The following WSCD1 variants were observed in gnomAD, a reference collection of about 807,000 sequenced individuals.
The protein encoded by WSCD1 is sialate:O-sulfotransferase 1.
WSCD1 carries 41 observed loss-of-function variants against 60.4 expected under a neutral mutation model. The observed-to-expected ratio is 0.68, with a 90% CI of 0.53 to 0.88. The LOEUF (loss-of-function observed/expected upper bound fraction) is 0.88, where lower values mean the gene tolerates loss of function less well. WSCD1 is among the 40% of genes least tolerant of loss of function. The pLI is 0.00. For missense variants in WSCD1, 784 were observed against 796.2 expected (o/e 0.98, Z 0.18); for synonymous variants, 361 against 332.5 (o/e 1.09, Z -0.93).
At chr17:6,107,052 G>C (rs1173124053) in intron 5 of WSCD1, among the ~76,000 whole-genome samples, 1 of 152,158 alleles carries the variant, frequency 6.6e-6, no homozygotes, top group Non-Finnish European at 1.5e-5. Flanking sequence ...TGAGATCAAG[G>C]TCTCAGCAGG....
chr17:6,077,256 T>G (rs1908926124), intron 1 of WSCD1, among the ~76,000 whole-genome samples: 1 of 152,014 alleles, frequency 6.6e-6, no homozygotes, highest in African/African-American at 2.4e-5. Flanking sequence ...ATCCAGCTAA[T>G]TTTTGTATTT....
intron 5 of WSCD1, among the ~76,000 whole-genome samples, chr17:6,102,098 C>A (rs937358809): frequency 1.3e-5 from 2 of 152,184 alleles, no homozygotes; most frequent in East Asian, 1.9e-4. Context: ...CTCTTTTGGG[C>A]GTCTAAATTC....
chr17:6,083,778 CA>C, intron 2 of WSCD1, among the ~76,000 whole-genome samples: 1 of 151,900 alleles, frequency 6.6e-6, no homozygotes, highest in East Asian at 1.9e-4. Flanking sequence ...GACCCTGTCT[CA>C]AAAAATATAT....
chr17:6,116,135 T>G (rs180746420), intron 7 of WSCD1, among the ~76,000 whole-genome samples: 1 of 152,202 alleles, frequency 6.6e-6, no homozygotes, highest in Non-Finnish European at 1.5e-5. Flanking sequence ...CACATGGCCC[T>G]GTCCACTCTG....
intron 7 of WSCD1, among the ~76,000 whole-genome samples, chr17:6,114,055 G>A (rs1360003048): frequency 6.7e-6 from 1 of 148,252 alleles, no homozygotes; most frequent in African/African-American, 2.5e-5. Flanking sequence ...GCTTATTACA[G>A]CACCATACAC....
rs891150741 is a variant in WSCD1 at position 6,123,622 on chromosome 17, G to A, written c.*2961G>A. ...GGAGAAGTGCTGAGGTTGATGTTAC[G>A]ACTGCAAGAATTCTTGGGACACAGG... On this transcript the variant is annotated 3_prime_UTR_variant, in exon 9 of 9. Coordinates refer to ENST00000317744, the MANE Select transcript of WSCD1 (RefSeq NM_015253.2). 2 of 152,186 alleles carry A rather than the reference G, an allele frequency of 1.3e-5. No individual in the cohort carries two copies. The highest frequency in any genetic ancestry group is 2.9e-5 in the Non-Finnish European group (2 of 68,044). The allele number at this position is 152,186 out of a possible 1,614,324, so 9.4% of individuals were successfully genotyped here.
At chr17:6,098,378 T>C (rs1160649576) in intron 5 of WSCD1, among the ~76,000 whole-genome samples, 19 of 152,254 alleles carry the variant, frequency 1.2e-4, no homozygotes, top group Admixed American at 1.2e-3. Flanking sequence ...AAATCCAGAT[T>C]GCTGCAGTTT....
At chr17:6,072,059 G>A (rs1026040643) in intron 1 of WSCD1, among the ~76,000 whole-genome samples, 4 of 152,240 alleles carry the variant, frequency 2.6e-5, no homozygotes, top group Non-Finnish European at 4.4e-5. Flanking sequence ...CATCCTCCAG[G>A]CCTCAGCAGG....
At position 6,110,638 on chromosome 17, in the gene WSCD1, C is replaced by T; in HGVS notation, c.1010-133C>T. 1 of 1,222,054 alleles carries T rather than the reference C, an allele frequency of 8.2e-7. No homozygotes were observed. The highest frequency in any genetic ancestry group is 1.5e-5 in the South Asian group (1 of 66,350). 75.7% of individuals were successfully genotyped at this position (1,222,054 alleles called of 1,614,324 possible). On this transcript the variant is annotated intron_variant, in intron 6 of 8. Coordinates refer to ENST00000317744, the MANE Select transcript of WSCD1 (RefSeq NM_015253.2). The surrounding 1 kb of genome is among the most constrained non-coding windows in gnomAD (Gnocchi z 4.8). ...TAAGGTATATTTGGAAGATCTCTTC[C>T]CTTCTTTGGGCCTTGGTTCCCCCAT... is the stretch of plus-strand genomic sequence containing the variant.
At chr17:6,119,460 A>G (rs1157145875) in intron 8 of WSCD1, among the ~76,000 whole-genome samples, 1 of 152,198 alleles carries the variant, frequency 6.6e-6, no homozygotes, top group East Asian at 1.9e-4. Flanking sequence ...TCAGAAACAA[A>G]GCAGTGTCCA....
chr17:6,116,367 G>A (rs556350328), intron 7 of WSCD1, among the ~76,000 whole-genome samples: 4 of 151,950 alleles, frequency 2.6e-5, no homozygotes, highest in African/African-American at 9.7e-5. Context: ...ACCATTAGAT[G>A]TGGCCAGTGG....
At chr17:6,094,005 G>T (rs1910224991) in intron 4 of WSCD1, among the ~76,000 whole-genome samples, 1 of 152,208 alleles carries the variant, frequency 6.6e-6, no homozygotes, top group Admixed American at 6.5e-5. Flanking sequence ...GCAGATTCTG[G>T]CTGGTAAAAG....
In WSCD1 at chr17:6,090,369, G is replaced by T. The variant is rs752129531; in HGVS notation, c.591G>T (p.Gly197=). ...GLEAGAECYC[G]NRLPAVSVGL... is the part of the protein sequence containing the mutation. Reference sequence around the variant, plus strand: ...AGGCCGGGGCGGAGTGTTACTGCGGGAACCGGCTGCCAGCGGTGAGCGTGG... The same window carrying T: ...AGGCCGGGGCGGAGTGTTACTGCGGTAACCGGCTGCCAGCGGTGAGCGTGG... The change falls in exon 4 of 9, where the codon GGG becomes GGT. Residue 197 remains glycine, a synonymous_variant. Transcript: ENST00000317744. 8.1e-6 allele frequency: 13 copies of T among 1,609,552 alleles called. No homozygotes were observed. Among genetic ancestry groups the T allele is most frequent in the Non-Finnish European group, 5.9e-6 (7 of 1,178,186 alleles).
At chr17:6,117,205 C>T (rs1467108880) in intron 7 of WSCD1, among the ~76,000 whole-genome samples, 1 of 152,172 alleles carries the variant, frequency 6.6e-6, no homozygotes, top group African/African-American at 2.4e-5. Context: ...GTTCTGAGTG[C>T]CCAGTACTAT....
At chr17:6,085,586 A>G (rs1273353515) in intron 2 of WSCD1, among the ~76,000 whole-genome samples, 1 of 152,190 alleles carries the variant, frequency 6.6e-6, no homozygotes, top group Non-Finnish European at 1.5e-5. Context: ...CCACTTCCTC[A>G]GAAGCATGTA....
At chr17:6,104,148 G>A (rs1015368777) in intron 5 of WSCD1, among the ~76,000 whole-genome samples, 65 of 152,254 alleles carry the variant, frequency 4.3e-4, no homozygotes, top group African/African-American at 1.4e-3. Flanking sequence ...CAAGAGATGG[G>A]GAGGAGGTGC....
intron 7 of WSCD1, among the ~76,000 whole-genome samples, chr17:6,117,271 C>T (rs902697601): frequency 6.6e-6 from 1 of 152,218 alleles, no homozygotes; most frequent in South Asian, 2.1e-4. Context: ...GGGAACAAGT[C>T]TCCATTCATA....
At chr17:6,120,265 C>T (rs752779188) in intron 8 of WSCD1, 44 bp from the exon 9 acceptor site, 3 of 1,579,356 alleles carry the variant, frequency 1.9e-6, no homozygotes, top group South Asian at 1.2e-5. Context: ...GCAGCCCTGG[C>T]AGGGCCAGCC....
intron 1 of WSCD1, among the ~76,000 whole-genome samples, chr17:6,077,678 T>G (rs1202320189): frequency 6.6e-6 from 1 of 152,176 alleles, no homozygotes; most frequent in African/African-American, 2.4e-5. Flanking sequence ...CAGCCCTACT[T>G]GTATTGTATA....
Sources: allele counts gnomAD v4.1 joint callset (sites outside exome capture counted in the v4.1 genomes callset), GRCh38; gene constraint gnomAD v4.1.1; non-coding constraint Gnocchi (gnomAD v3.1); transcripts MANE v1.5; gene names NCBI Gene and HGNC (gene_info 2026-07-23, HGNC 2026-07-21).